The following RAI14 variants were observed in gnomAD, a reference collection of about 807,000 sequenced individuals.
RAI14 encodes ankycorbin.
RAI14 carries 45 observed loss-of-function variants against 115.4 expected under a neutral mutation model. That is an observed-to-expected ratio of 0.39 (90% CI 0.31 to 0.50). RAI14 has a LOEUF of 0.50. RAI14 is among the 20% of genes least tolerant of loss of function. RAI14 has a pLI of 0.85. For missense variants in RAI14, 939 were observed against 1,131.2 expected, an observed-to-expected ratio of 0.83 and a Z score of 2.44; for synonymous variants, 371 against 415.4, an observed-to-expected ratio of 0.89 and a Z score of 1.30.
intron 16 of RAI14, among the ~76,000 whole-genome samples, chr5:34,829,044 T>A (rs1757741671): frequency 6.6e-6 from 1 of 152,128 alleles, no homozygotes; most frequent in African/African-American, 2.4e-5. Flanking sequence ...GATAATCACT[T>A]TTTACATTTG....
In RAI14 at chr5:34,796,064, C is replaced by CA. The variant is rs776957947; in HGVS notation, c.256+38dup. ...TTAGTCTCTTAAGTCAGCAGGCCAGCACCAGATTAGGTATCAAAAAGTAAT... is the reference window on the plus strand; with the variant it reads ...TTAGTCTCTTAAGTCAGCAGGCCAGCAACCAGATTAGGTATCAAAAAGTAAT... On this transcript the variant is annotated intron_variant, in intron 4 of 17. Coordinates refer to ENST00000265109, the MANE Select transcript of RAI14 (RefSeq NM_015577.3). The CA allele has an allele frequency of 4.7e-6, 7 of 1,504,876 alleles. No homozygotes were observed. In the South Asian group the frequency reaches 8.0e-5, roughly 17 times the overall value. The allele number at this position is 1,504,876 out of a possible 1,614,324, so 93.2% of individuals were successfully genotyped here.
intron 2 of RAI14, among the ~76,000 whole-genome samples, chr5:34,746,396 C>T (rs1177072212): frequency 5.4e-5 from 8 of 149,278 alleles, no homozygotes; most frequent in South Asian, 2.1e-4. Flanking sequence ...TGAGCCGCTG[C>T]GCCTGGCCTT....
chr5:34,787,893 ATTTTTTTTTTTTTTTTTT>A lies in RAI14; in HGVS notation c.168-8023_168-8006del, dbSNP rs70973012. Among the ~76,000 whole-genome samples, 124 of 25,106 alleles carry A rather than the reference ATTTTTTTTTTTTTTTTTT, an allele frequency of 4.9e-3. 1 individual carries two copies. The highest frequency in any genetic ancestry group is 0.012 in the African/African-American group (105 of 8,690). 16.5% of individuals were successfully genotyped at this position (25,106 alleles called of 152,430 possible). On this transcript the variant is annotated intron_variant, in intron 3 of 17. Transcript: ENST00000265109. ...GGGTTTCTTAACCTGGATACTACTGATTTTTTTTTTTTTTTTTTTTTTTTTTTTTTTTTTTTTTTTGAG... is the reference window on the plus strand; with the variant it reads ...GGGTTTCTTAACCTGGATACTACTGATTTTTTTTTTTTTTTTTTTTTTGAG...
chr5:34,785,165 C>T (rs1752146004), intron 3 of RAI14, among the ~76,000 whole-genome samples: 2 of 152,162 alleles, frequency 1.3e-5, no homozygotes, highest in Non-Finnish European at 2.9e-5. Context: ...TTTCTCTTTA[C>T]TTAGCGGCCA....
At chr5:34,720,438 T>C (rs1266124655) in intron 2 of RAI14, among the ~76,000 whole-genome samples, 2 of 132,732 alleles carry the variant, frequency 1.5e-5, no homozygotes. Flanking sequence ...TGAGATGGAG[T>C]CTCGCTCTGT....
At position 34,705,736 on chromosome 5, in the gene RAI14, C is replaced by T. The variant is rs1740631245; in HGVS notation, c.36+18781C>T. On this transcript the variant is annotated intron_variant, in intron 2 of 17. Coordinates refer to ENST00000265109, the MANE Select transcript of RAI14 (RefSeq NM_015577.3). ...GATCTCAGCTCACTGCAACCTCCGC[C>T]TCCTGGGTTCAAATGATTCTCCTGC... 4.6e-5 allele frequency among the ~76,000 whole-genome samples: 7 copies of T among 152,302 alleles called. No individual in the cohort carries two copies. In the South Asian group the frequency reaches 1.5e-3, roughly 32 times the overall value.
At position 34,662,981 on chromosome 5, in the gene RAI14, C is replaced by G. The variant is rs1382072935; in HGVS notation, c.-49+6506C>G. 2.6e-5 allele frequency among the ~76,000 whole-genome samples: 4 copies of G among 152,066 alleles called. No individual in the cohort carries two copies. In the East Asian group the frequency reaches 7.7e-4, roughly 29 times the overall value. ...GAACTCCTGACCTCAAGTGATCCAC[C>G]TGCCTTGGCCTCCCAAAGTGCTGGG... is the stretch of plus-strand genomic sequence containing the variant. On this transcript the variant is annotated intron_variant, in intron 1 of 17. Transcript: ENST00000265109.
intron 2 of RAI14, among the ~76,000 whole-genome samples, chr5:34,743,614 ACAC>A (rs563066260): frequency 3.1e-3 from 477 of 152,306 alleles, no homozygotes; most frequent in Non-Finnish European, 5.1e-3. Context: ...GGGCTAGCCA[ACAC>A]CAAGTATGGG....
At chr5:34,669,797 T>A (rs889192942) in intron 1 of RAI14, among the ~76,000 whole-genome samples, 1 of 152,232 alleles carries the variant, frequency 6.6e-6, no homozygotes, top group African/African-American at 2.4e-5. Flanking sequence ...TACATAAGTA[T>A]CTAAACGTTC....
At chr5:34,810,923 G>A (rs1755506489) in intron 7 of RAI14, 89 bp from the exon 8 acceptor site, 1 of 1,589,112 alleles carries the variant, frequency 6.3e-7, no homozygotes, top group African/African-American at 1.3e-5. Context: ...TCCAAGTCAG[G>A]AGAAAAATGT....
Position 34,826,374 on chromosome 5 carries a change from G to C in RAI14, c.2694G>C (p.Leu898Phe). The change falls in exon 16 of 18, where the codon TTG becomes TTC. Residue 898 changes from leucine to phenylalanine, a missense_variant. By Grantham distance (22) the Leu-to-Phe change is conservative. Coordinates refer to ENST00000265109, the MANE Select transcript of RAI14 (RefSeq NM_015577.3). ...AAGTCACCAAATTGAAGGAGGCCTT[G>C]AACAGCCTCTCCCAGCTCTCCTACT... ...SKEVTKLKEALNSLSQLSYST... is the reference protein window; with the variant it reads ...SKEVTKLKEAFNSLSQLSYST... The C allele has an allele frequency of 6.2e-7, 1 of 1,614,046 alleles. No individual in the cohort carries two copies. The highest frequency in any genetic ancestry group is 1.1e-5 in the South Asian group (1 of 91,058).
intron 2 of RAI14, among the ~76,000 whole-genome samples, chr5:34,699,715 G>T (rs1270913444): frequency 1.3e-5 from 2 of 152,148 alleles, no homozygotes; most frequent in Non-Finnish European, 2.9e-5. Flanking sequence ...CTAAAGTAGG[G>T]TGCAGAACTT....
chr5:34,667,874 C>A (rs1743335371), intron 1 of RAI14, among the ~76,000 whole-genome samples: 1 of 152,162 alleles, frequency 6.6e-6, no homozygotes, highest in Non-Finnish European at 1.5e-5. Flanking sequence ...TCACAGATTC[C>A]ATGCTGAGGC....
chr5:34,720,105 G>C (rs1036944540), intron 2 of RAI14, among the ~76,000 whole-genome samples: 3 of 152,146 alleles, frequency 2.0e-5, no homozygotes, highest in Non-Finnish European at 2.9e-5. Context: ...ATGATATTAT[G>C]ACAGTTACTT....
intron 14 of RAI14, among the ~76,000 whole-genome samples, chr5:34,822,132 GA>G (rs1026112498): frequency 6.8e-6 from 1 of 147,692 alleles, no homozygotes; most frequent in Non-Finnish European, 1.5e-5. Context: ...AAAATTTATA[GA>G]AAAAATTCTA....
intron 8 of RAI14, 141 bp from the exon 9 acceptor site, chr5:34,811,626 C>T: frequency 1.5e-6 from 1 of 689,608 alleles, no homozygotes; most frequent in Non-Finnish European, 2.3e-6. Context: ...TTGCATTCCA[C>T]TTCGAATTCC....
intron 3 of RAI14, among the ~76,000 whole-genome samples, chr5:34,775,495 G>T (rs895306053): frequency 6.6e-6 from 1 of 152,152 alleles, no homozygotes; most frequent in Non-Finnish European, 1.5e-5. Context: ...CACTTTGGGA[G>T]GTCAAGGTGA....
At chr5:34,718,771 G>C (rs908289839) in intron 2 of RAI14, among the ~76,000 whole-genome samples, 2 of 152,218 alleles carry the variant, frequency 1.3e-5, no homozygotes. Flanking sequence ...TTAAAATGGA[G>C]ATCAGTTCCT....
intron 2 of RAI14, among the ~76,000 whole-genome samples, chr5:34,749,927 A>G (rs1227532906): frequency 1.3e-5 from 2 of 152,216 alleles, no homozygotes; most frequent in South Asian, 2.1e-4. Context: ...AGCCCTTTAA[A>G]ATATGATTTT....
Sources: allele counts gnomAD v4.1 joint callset (sites outside exome capture counted in the v4.1 genomes callset), GRCh38; gene constraint gnomAD v4.1.1; transcripts MANE v1.5; gene names NCBI Gene and HGNC (gene_info 2026-07-23, HGNC 2026-07-21).